Variants in CADM2 observed in about 807,000 individuals in gnomAD.
The protein encoded by CADM2 is cell adhesion molecule 2, also known as immunoglobulin superfamily member 4D.
In CADM2, 12 loss-of-function variants were observed where a neutral mutation model predicts 49.8. The ratio of observed to expected loss-of-function variants is 0.24; its 90% CI spans 0.15 to 0.39. The LOEUF is 0.39. CADM2 is among the 10% of genes least tolerant of loss of function. CADM2 has a pLI of 1.00. For missense variants in CADM2, 378 were observed against 492.3 expected (o/e 0.77, Z 2.20); for synonymous variants, 214 against 175.4 (o/e 1.22, Z -1.74).
chr3:85,054,344 A>G (rs1016548077), intron 1 of CADM2, among the ~76,000 whole-genome samples: 3 of 151,866 alleles, frequency 2.0e-5, no homozygotes, highest in African/African-American at 7.2e-5. Context: ...AGGAGGAAAA[A>G]TATAAGGCTT....
chr3:85,996,379 A>T (rs1033282146), intron 8 of CADM2, among the ~76,000 whole-genome samples: 3 of 147,040 alleles, frequency 2.0e-5, no homozygotes, highest in African/African-American at 5.0e-5. Flanking sequence ...GCTCACTGCA[A>T]CCTCTGCTCC....
chr3:85,468,855 C>G (rs2038639583), intron 1 of CADM2, among the ~76,000 whole-genome samples: 1 of 152,152 alleles, frequency 6.6e-6, no homozygotes, highest in Non-Finnish European at 1.5e-5. Flanking sequence ...AACTGGAGCT[C>G]AGACTTATTG....
intron 1 of CADM2, among the ~76,000 whole-genome samples, chr3:85,535,433 C>T (rs766038390): frequency 2.6e-5 from 4 of 152,046 alleles, no homozygotes; most frequent in Non-Finnish European, 5.9e-5. Context: ...CATCTGGGAA[C>T]GTTGATTTCA....
chr3:85,619,503 A>G (rs1176527255), intron 1 of CADM2, among the ~76,000 whole-genome samples: 1 of 152,042 alleles, frequency 6.6e-6, no homozygotes, highest in Non-Finnish European at 1.5e-5. Context: ...ATCACTGCAA[A>G]TCAGTTAGAT....
chr3:85,894,096 C>T (rs1166388066), intron 5 of CADM2, among the ~76,000 whole-genome samples: 4 of 152,140 alleles, frequency 2.6e-5, no homozygotes, highest in African/African-American at 9.7e-5. Flanking sequence ...TGGAACCAAG[C>T]CAAATGTCCA....
chr3:85,660,767 G>A (rs2065376438), intron 1 of CADM2, among the ~76,000 whole-genome samples: 1 of 151,958 alleles, frequency 6.6e-6, no homozygotes, highest in African/African-American at 2.4e-5. Context: ...TAACATCATG[G>A]ACAGATAGAC....
chr3:85,930,594 C>T (rs779600614), intron 6 of CADM2, among the ~76,000 whole-genome samples: 9 of 152,072 alleles, frequency 5.9e-5, no homozygotes. Context: ...TCCTACCTCC[C>T]TCTCAAACCC....
intron 6 of CADM2, among the ~76,000 whole-genome samples, chr3:85,923,951 C>T (rs1391621926): frequency 6.6e-6 from 1 of 152,042 alleles, no homozygotes; most frequent in Non-Finnish European, 1.5e-5. Context: ...GTATATATAT[C>T]CATTTTATTC....
chr3:85,871,283 C>A (rs2075916541), intron 3 of CADM2, among the ~76,000 whole-genome samples: 1 of 152,106 alleles, frequency 6.6e-6, no homozygotes, highest in Admixed American at 6.6e-5. Context: ...GAAAAATGCT[C>A]AACATCACTA....
chr3:85,989,522 A>G (rs1450399057), intron 8 of CADM2, among the ~76,000 whole-genome samples: 1 of 152,198 alleles, frequency 6.6e-6, no homozygotes, highest in Admixed American at 6.5e-5. Flanking sequence ...AGGTCATTGC[A>G]GAGAAGTCAG....
chr3:84,995,244 A>G (rs1250091501), intron 1 of CADM2, among the ~76,000 whole-genome samples: 1 of 152,174 alleles, frequency 6.6e-6, no homozygotes, highest in Admixed American at 6.5e-5. Flanking sequence ...TCATGCTAAT[A>G]TAATTCAAAA....
chr3:85,395,121 A>T (rs2034708606), intron 1 of CADM2, among the ~76,000 whole-genome samples: 2 of 149,618 alleles, frequency 1.3e-5, no homozygotes, highest in South Asian at 4.2e-4. Flanking sequence ...CCCATCTCTA[A>T]AAAAAAAATA....
chr3:85,869,366 G>A lies in CADM2; in HGVS notation c.239-13925G>A, dbSNP rs76834198. 3.5e-3 allele frequency among the ~76,000 whole-genome samples: 536 copies of A among 152,066 alleles called. 19 individuals carry two copies. The East Asian group carries it at 0.072, about 20-fold the overall frequency. On this transcript the variant is annotated intron_variant, in intron 3 of 9. Coordinates refer to ENST00000383699, the MANE Select transcript of CADM2 (RefSeq NM_001167675.2). Reference sequence around the variant, plus strand: ...AGCTTCGTTCCATTCATTTTTAGCAGGAAGGTATTTTTTCAGATACGATGT... The same window carrying A: ...AGCTTCGTTCCATTCATTTTTAGCAAGAAGGTATTTTTTCAGATACGATGT...
chr3:85,009,865 C>CAATA (rs34806351), intron 1 of CADM2, among the ~76,000 whole-genome samples: 27,663 of 140,520 alleles, frequency 0.2, 2,876 homozygotes, highest in East Asian at 0.29. Flanking sequence ...GATTCTATCT[C>CAATA]AATAAATAAA....
In CADM2 at chr3:85,315,397, T is replaced by C. The variant is rs566222554; in HGVS notation, c.61+355729T>C. 2.6e-5 allele frequency among the ~76,000 whole-genome samples: 4 copies of C among 152,306 alleles called. No homozygotes were observed. In the East Asian group the frequency reaches 7.7e-4, roughly 29 times the overall value. On this transcript the variant is annotated intron_variant, in intron 1 of 9. Coordinates refer to ENST00000383699, the MANE Select transcript of CADM2 (RefSeq NM_001167675.2). ...AGTATCGGGGGTTAAAAGTTTAGCA[T>C]ATTGTTTTGGGTGACATAATTTAAA...
intron 3 of CADM2, among the ~76,000 whole-genome samples, chr3:85,856,374 T>C (rs2075318422): frequency 6.6e-6 from 1 of 152,212 alleles, no homozygotes; most frequent in Non-Finnish European, 1.5e-5. Flanking sequence ...CTCTGTACTT[T>C]TTCATAACGG....
At chr3:85,369,104 T>C (rs1210100730) in intron 1 of CADM2, among the ~76,000 whole-genome samples, 1 of 152,210 alleles carries the variant, frequency 6.6e-6, no homozygotes, top group East Asian at 1.9e-4. Flanking sequence ...AAATACATTA[T>C]TGGAGGAATT....
intron 3 of CADM2, among the ~76,000 whole-genome samples, chr3:85,851,192 A>G (rs1326335238): frequency 1.3e-5 from 2 of 152,216 alleles, no homozygotes; most frequent in South Asian, 2.1e-4. Context: ...AAGAAAATTT[A>G]TAATTAAATG....
chr3:85,054,627 G>A (rs1273244578), intron 1 of CADM2, among the ~76,000 whole-genome samples: 2 of 151,880 alleles, frequency 1.3e-5, no homozygotes, highest in African/African-American at 2.4e-5. Flanking sequence ...GGTACTAGTC[G>A]AAAAGGAGAA....
Sources: allele counts gnomAD v4.1 joint callset (sites outside exome capture counted in the v4.1 genomes callset), GRCh38; gene constraint gnomAD v4.1.1; transcripts MANE v1.5; gene names NCBI Gene and HGNC (gene_info 2026-07-23, HGNC 2026-07-21).